USH2A: variants seen among roughly 807,000 people sequenced by gnomAD.
The protein encoded by USH2A is usherin.
USH2A carries 443 observed loss-of-function variants against 538.9 expected under a neutral mutation model. That is an observed-to-expected ratio of 0.82 (90% confidence interval 0.76 to 0.89). The LOEUF is 0.89. Among genes scored for constraint, USH2A ranks in the 40% least tolerant of loss-of-function variants. The probability of loss-of-function intolerance (pLI) is 0.00; values close to 1 mark genes in which losing one functional copy is unlikely to be tolerated. For missense variants in USH2A, 6,633 were observed against 6,324.8 expected, an observed-to-expected ratio of 1.05 and a Z score of -1.65; for synonymous variants, 2,413 against 2,273.5, an observed-to-expected ratio of 1.06 and a Z score of -1.75.
At chr1:216,255,063 C>T (rs2036234876) in intron 11 of USH2A, among the ~76,000 whole-genome samples, 1 of 152,194 alleles carries the variant, frequency 6.6e-6, no homozygotes, top group African/African-American at 2.4e-5. Flanking sequence ...AGTACAATTA[C>T]TATCTCTGAT....
chr1:216,308,870 A>T (rs1052347318), intron 9 of USH2A, among the ~76,000 whole-genome samples: 1 of 152,180 alleles, frequency 6.6e-6, no homozygotes, highest in Non-Finnish European at 1.5e-5. Flanking sequence ...TAAATTTTCA[A>T]ACTTGAAGTG....
At chr1:216,369,728 T>C (rs1341797530) in intron 3 of USH2A, among the ~76,000 whole-genome samples, 2 of 151,560 alleles carry the variant, frequency 1.3e-5, no homozygotes, top group East Asian at 3.9e-4. Flanking sequence ...CTGGCCAACA[T>C]AGTGAAACCC....
chr1:216,417,282 G>A (rs1187287792), intron 3 of USH2A, among the ~76,000 whole-genome samples: 2 of 149,916 alleles, frequency 1.3e-5, no homozygotes, highest in Non-Finnish European at 3.0e-5. Context: ...AAAAAAAAAA[G>A]TGAGAAATCA....
At chr1:215,750,114 C>T (rs778095064) in intron 58 of USH2A, among the ~76,000 whole-genome samples, 2 of 151,964 alleles carry the variant, frequency 1.3e-5, no homozygotes, top group Non-Finnish European at 2.9e-5. Flanking sequence ...ACTATTAATT[C>T]GGTTTGATAG....
intron 41 of USH2A, among the ~76,000 whole-genome samples, chr1:215,885,726 T>C (rs1665032984): frequency 6.6e-6 from 1 of 152,240 alleles, no homozygotes; most frequent in Admixed American, 6.5e-5. Flanking sequence ...ATTTATTTTC[T>C]AGTTAGCCTA....
intron 32 of USH2A, among the ~76,000 whole-genome samples, chr1:216,024,010 A>C (rs1208438864): frequency 6.6e-6 from 1 of 152,146 alleles, no homozygotes; most frequent in East Asian, 1.9e-4. Flanking sequence ...AGTTTCACTT[A>C]TAAAGGTGGT....
intron 61 of USH2A, among the ~76,000 whole-genome samples, chr1:215,696,611 T>G (rs1315909008): frequency 6.6e-6 from 1 of 152,238 alleles, no homozygotes; most frequent in African/African-American, 2.4e-5. Context: ...AGACAGGATC[T>G]GGTTGGTTGT....
At chr1:216,077,280 T>A (rs1475324096) in intron 27 of USH2A, among the ~76,000 whole-genome samples, 2 of 152,134 alleles carry the variant, frequency 1.3e-5, no homozygotes, top group African/African-American at 2.4e-5. Context: ...ACCTAAATTG[T>A]AAATAATGCA....
intron 3 of USH2A, among the ~76,000 whole-genome samples, chr1:216,370,772 A>T (rs1336861965): frequency 1.3e-5 from 2 of 151,824 alleles, no homozygotes; most frequent in African/African-American, 4.8e-5. Context: ...TTAATTAATA[A>T]GTTGCAGTCA....
chr1:216,081,911 T>A (rs2031959274), intron 26 of USH2A, among the ~76,000 whole-genome samples: 1 of 151,936 alleles, frequency 6.6e-6, no homozygotes, highest in African/African-American at 2.4e-5. Context: ...TTTTTTAATT[T>A]TTTTTTTTTA....
intron 21 of USH2A, among the ~76,000 whole-genome samples, chr1:216,122,298 T>C (rs1336321074): frequency 6.6e-6 from 1 of 152,052 alleles, no homozygotes; most frequent in Non-Finnish European, 1.5e-5. Context: ...ACTCAAAATG[T>C]TTCAGGGATC....
At chr1:216,272,858 G>A (rs929713100) in intron 11 of USH2A, among the ~76,000 whole-genome samples, 1 of 152,008 alleles carries the variant, frequency 6.6e-6, no homozygotes, top group Non-Finnish European at 1.5e-5. Context: ...TGAGCTTTCA[G>A]TTTTTTCATG....
intron 30 of USH2A, among the ~76,000 whole-genome samples, chr1:216,066,253 G>A (rs570093145): frequency 1.3e-5 from 2 of 152,008 alleles, no homozygotes; most frequent in South Asian, 2.1e-4. Flanking sequence ...GGTGAATCAC[G>A]AGGTCAGGAA....
At chr1:216,167,208 T>C (rs2034187710) in intron 21 of USH2A, among the ~76,000 whole-genome samples, 1 of 152,070 alleles carries the variant, frequency 6.6e-6, no homozygotes, top group Non-Finnish European at 1.5e-5. Flanking sequence ...AGTTAGACTA[T>C]GGGCAGGGTC....
rs138113284 is a variant in USH2A, at chr1:216,379,185, C to G, written c.652-14100G>C. 2.7e-3 allele frequency among the ~76,000 whole-genome samples: 412 copies of G among 152,294 alleles called. 1 individual carries two copies. The highest frequency in any genetic ancestry group is 9.3e-3 in the African/African-American group (387 of 41,562). On this transcript the variant is annotated intron_variant, in intron 3 of 71. Coordinates refer to ENST00000307340, the MANE Select transcript of USH2A (RefSeq NM_206933.4). ...TGCTGTTTGCAATTCCTGTCCCTGG[C>G]AGTCACACCCACATGTCCCCTGCCC...
chr1:216,323,819 G>T, intron 7 of USH2A, 124 bp from the exon 8 acceptor site: 1 of 911,940 alleles, frequency 1.1e-6, no homozygotes, highest in Non-Finnish European at 1.7e-6. Flanking sequence ...TCTAGGAAAA[G>T]CATATTCCAT....
intron 43 of USH2A, among the ~76,000 whole-genome samples, chr1:215,875,365 G>A (rs148446690): frequency 0.011 from 1,735 of 151,756 alleles, 25 homozygotes; most frequent in African/African-American, 0.035. Context: ...AAGTACTACC[G>A]GAAAAAAATG....
At chr1:215,993,667 A>G (rs959858154) in intron 34 of USH2A, among the ~76,000 whole-genome samples, 1 of 152,220 alleles carries the variant, frequency 6.6e-6, no homozygotes, top group South Asian at 2.1e-4. Context: ...CAGTGTGACC[A>G]ATATGTTTAT....
At chr1:216,079,238 T>A (rs1202589984) in intron 26 of USH2A, 1 of 152,092 alleles carries the variant, frequency 6.6e-6, no homozygotes, top group Non-Finnish European at 1.5e-5. Flanking sequence ...ACTTATTCAA[T>A]AAATATCGAG....
Sources: allele counts gnomAD v4.1 joint callset (sites outside exome capture counted in the v4.1 genomes callset), GRCh38; gene constraint gnomAD v4.1.1; transcripts MANE v1.5; gene names NCBI Gene and HGNC (gene_info 2026-07-23, HGNC 2026-07-21).